ANK2: variants seen among roughly 807,000 people sequenced by gnomAD.
The protein encoded by ANK2 is ankyrin-2.
A neutral mutation model predicts 360.5 loss-of-function variants in ANK2; 83 were observed. The ratio of observed to expected loss-of-function variants is 0.23; its 90% CI spans 0.19 to 0.28. ANK2 has a LOEUF of 0.28. Ranked by LOEUF, ANK2 falls within the 10% of genes least tolerant of loss-of-function variation. The probability of loss-of-function intolerance (pLI) is 1.00; values close to 1 mark genes in which losing one functional copy is unlikely to be tolerated. For missense variants in ANK2, 4,201 were observed against 4,795.7 expected, an observed-to-expected ratio of 0.88 and a Z score of 3.66; for synonymous variants, 1,740 against 1,759.5, an observed-to-expected ratio of 0.99 and a Z score of 0.28.
chr4:113,267,136 G>A (rs150519936), intron 14 of ANK2, among the ~76,000 whole-genome samples: 5,169 of 152,242 alleles, frequency 0.034, 141 homozygotes, highest in East Asian at 0.068. Context: ...GTTCCTTGTC[G>A]ATTCTGGATA....
At chr4:113,048,246 GTGTATATATATATA>G (rs1418070869), upstream of ANK2, among the ~76,000 whole-genome samples, 8 of 54,610 alleles carry the variant, frequency 1.5e-4, no homozygotes, top group South Asian at 7.3e-4. Context: ...ATCTACAAGT[GTGTATATATATATA>G]TATATATATA....
chr4:113,180,165 A>G (rs1361002339), intron 2 of ANK2, among the ~76,000 whole-genome samples: 2 of 152,224 alleles, frequency 1.3e-5, no homozygotes, highest in African/African-American at 4.8e-5. Flanking sequence ...GCATATGCTC[A>G]CACAGTATGA....
chr4:113,374,830 C>T (rs1018975778), intron 45 of ANK2: 7 of 1,266,772 alleles, frequency 5.5e-6, no homozygotes, highest in African/African-American at 3.1e-5. Context: ...AGTGGAAGGC[C>T]GTAGAGTCAG....
intron 1 of ANK2, among the ~76,000 whole-genome samples, chr4:112,870,060 G>A (rs967496986): frequency 7.2e-5 from 11 of 151,874 alleles, no homozygotes; most frequent in African/African-American, 2.4e-4. Context: ...GTGCAGTGGC[G>A]AGTTCTGGGT....
chr4:113,098,078 A>G (rs1304751934), intron 1 of ANK2, among the ~76,000 whole-genome samples: 2 of 151,508 alleles, frequency 1.3e-5, no homozygotes, highest in Admixed American at 1.3e-4. Flanking sequence ...ACTGAGTGAA[A>G]TTTATAGCAT....
intron 35 of ANK2, among the ~76,000 whole-genome samples, chr4:113,346,394 G>A (rs1021921243): frequency 5.9e-5 from 9 of 151,996 alleles, no homozygotes; most frequent in African/African-American, 1.9e-4. Context: ...GCTTTCCTGC[G>A]ACCATACTCG....
chr4:113,257,230 T>A (rs964536674), intron 11 of ANK2, among the ~76,000 whole-genome samples: 3 of 151,944 alleles, frequency 2.0e-5, no homozygotes, highest in Non-Finnish European at 2.9e-5. Flanking sequence ...ATAAAAAAAA[T>A]ATATAATACA....
chr4:113,056,504 G>T (rs1227795612), intron 1 of ANK2, among the ~76,000 whole-genome samples: 1 of 152,048 alleles, frequency 6.6e-6, no homozygotes, highest in Non-Finnish European at 1.5e-5. Flanking sequence ...TCTAATTCCT[G>T]TTGGAGGCAG....
the ANK2 span, among the ~76,000 whole-genome samples, chr4:112,810,107 G>T: frequency 8.5e-6 from 1 of 117,162 alleles, no homozygotes; most frequent in African/African-American, 3.0e-5. Context: ...CTAAAATAAA[G>T]ATATTTTAAT....
chr4:113,095,392 C>T (rs2090550686), intron 1 of ANK2, among the ~76,000 whole-genome samples: 1 of 152,074 alleles, frequency 6.6e-6, no homozygotes, highest in Admixed American at 6.5e-5. Flanking sequence ...TAAAACTGTA[C>T]CTATATGAGT....
Position 113,354,293 on chromosome 4 carries a change from C to G in ANK2, c.5675C>G (p.Pro1892Arg). Residue 1892 changes from proline (P) to arginine (R), a missense_variant, in exon 38 of 46, where the codon CCT becomes CGT. Pro to Arg is a moderately radical substitution (Grantham distance 103). This residue lies in a region of ANK2 where 2,642 missense variants were observed against 2,714.5 expected (regional missense o/e 0.97). Transcript: ENST00000357077. The stretch of plus-strand genomic sequence containing the variant: ...TCGACAAAAACTGAAAGGCACTCTC[C>G]TGTGTCATCTACAAAAACAGAAAGA... ...SPSTKTERHS[P>R]VSSTKTERHP... 1 of 1,614,158 alleles carries G rather than the reference C, an allele frequency of 6.2e-7. No homozygotes were observed. Among genetic ancestry groups the G allele is most frequent in the South Asian group, 1.1e-5 (1 of 91,080 alleles).
At chr4:112,999,907 A>G (rs2050006623) in intron 2 of ANK2, among the ~76,000 whole-genome samples, 1 of 152,294 alleles carries the variant, frequency 6.6e-6, no homozygotes, top group Admixed American at 6.5e-5. Context: ...AGTTGTGGCA[A>G]TTAAGAGTGA....
At chr4:113,148,557 T>C (rs2096919367) in intron 1 of ANK2, among the ~76,000 whole-genome samples, 2 of 152,222 alleles carry the variant, frequency 1.3e-5, no homozygotes, top group Admixed American at 6.5e-5. Flanking sequence ...TTCTTATTAC[T>C]TTAGACCATG....
At chr4:112,750,635 T>G in the ANK2 span, among the ~76,000 whole-genome samples, 3 of 152,182 alleles carry the variant, frequency 2.0e-5, 1 homozygote, top group Non-Finnish European at 4.4e-5. Context: ...AGCAAGTTTA[T>G]TAAGAAAGTA....
intron 2 of ANK2, among the ~76,000 whole-genome samples, chr4:113,024,879 A>G (rs535597016): frequency 6.6e-6 from 1 of 152,184 alleles, no homozygotes; most frequent in Admixed American, 6.5e-5. Flanking sequence ...CCCATAAAAA[A>G]TTTTCTTTTA....
chr4:113,238,404 C>T (rs3025744), intron 7 of ANK2, among the ~76,000 whole-genome samples: 7,435 of 152,162 alleles, frequency 0.049, 605 homozygotes, highest in African/African-American at 0.17. Context: ...ACTATCATCT[C>T]GCTTGATGAC....
At chr4:113,209,195 G>A (rs921518381) in intron 4 of ANK2, among the ~76,000 whole-genome samples, 3 of 151,938 alleles carry the variant, frequency 2.0e-5, no homozygotes, top group Non-Finnish European at 2.9e-5. Context: ...TATGGGAGGG[G>A]GAGAAGGCGA....
chr4:113,327,003 C>G (rs2090312916), intron 26 of ANK2, among the ~76,000 whole-genome samples: 1 of 151,624 alleles, frequency 6.6e-6, no homozygotes, highest in African/African-American at 2.4e-5. Context: ...GACCCTCTCT[C>G]AAGGAAAAAA....
At chr4:113,297,327 A>G (rs1166726089) in intron 22 of ANK2, among the ~76,000 whole-genome samples, 3 of 152,206 alleles carry the variant, frequency 2.0e-5, no homozygotes. Context: ...TACTTAGTGC[A>G]GAATCTTTTT....
Sources: allele counts gnomAD v4.1 joint callset (sites outside exome capture counted in the v4.1 genomes callset), GRCh38; gene constraint gnomAD v4.1.1; regional missense constraint gnomAD v4.1.1; transcripts MANE v1.5; gene names NCBI Gene and HGNC (gene_info 2026-07-23, HGNC 2026-07-21).